The following HDAC9 variants were observed in gnomAD, a reference collection of about 807,000 sequenced individuals.
HDAC9 encodes histone deacetylase 9, also known as MEF-2 interacting transcription repressor (MITR) protein.
A neutral mutation model predicts 139.4 loss-of-function variants in HDAC9; 41 were observed. The observed-to-expected ratio is 0.29, with a 90% CI of 0.23 to 0.38. The LOEUF (loss-of-function observed/expected upper bound fraction) is 0.38, where lower values mean the gene tolerates loss of function less well. Ranked by LOEUF, HDAC9 falls within the 10% of genes least tolerant of loss-of-function variation. HDAC9 has a pLI of 1.00. For missense variants in HDAC9, 1,147 were observed against 1,297.0 expected (o/e 0.88, Z 1.78); for synonymous variants, 517 against 476.2 (o/e 1.09, Z -1.12).
chr7:18,323,972 A>G (rs1800240423), intron 1 of HDAC9, among the ~76,000 whole-genome samples: 1 of 151,164 alleles, frequency 6.6e-6, no homozygotes, highest in Admixed American at 6.6e-5. Flanking sequence ...ATATGACTGA[A>G]GGGGTGAGGG....
intron 2 of HDAC9, among the ~76,000 whole-genome samples, chr7:18,563,710 C>T (rs1821333550): frequency 6.7e-6 from 1 of 148,794 alleles, no homozygotes; most frequent in Admixed American, 6.9e-5. Context: ...CCATCAATTC[C>T]CTCAGAACCA....
chr7:18,204,999 A>T (rs527870922), intron 2 of HDAC9, among the ~76,000 whole-genome samples: 55 of 152,134 alleles, frequency 3.6e-4, no homozygotes, highest in African/African-American at 1.3e-3. Context: ...GAACTAATTT[A>T]TATGTGTGTG....
intron 2 of HDAC9, among the ~76,000 whole-genome samples, chr7:18,550,177 A>T (rs1455824187): frequency 2.0e-5 from 3 of 152,184 alleles, no homozygotes; most frequent in African/African-American, 7.2e-5. Flanking sequence ...TTAGAACCTA[A>T]AGCAGAGAAA....
intron 2 of HDAC9, among the ~76,000 whole-genome samples, chr7:18,518,663 C>A (rs1216766046): frequency 6.6e-6 from 1 of 152,138 alleles, no homozygotes; most frequent in Non-Finnish European, 1.5e-5. Flanking sequence ...AAGCTTGTCC[C>A]ACCTCCATTA....
At chr7:18,341,112 G>A (rs1361303919) in intron 1 of HDAC9, among the ~76,000 whole-genome samples, 1 of 151,176 alleles carries the variant, frequency 6.6e-6, no homozygotes, top group African/African-American at 2.4e-5. Flanking sequence ...TACTTAAAGT[G>A]TGTGTTTTCC....
At chr7:18,240,450 T>C (rs1482910818) in intron 2 of HDAC9, among the ~76,000 whole-genome samples, 1 of 152,220 alleles carries the variant, frequency 6.6e-6, no homozygotes, top group African/African-American at 2.4e-5. Context: ...TGTTTCTAGT[T>C]TATATCTTTA....
chr7:18,320,810 G>A (rs1011094990), intron 1 of HDAC9, among the ~76,000 whole-genome samples: 1 of 152,086 alleles, frequency 6.6e-6, no homozygotes, highest in Non-Finnish European at 1.5e-5. Flanking sequence ...ACTGGGCCGG[G>A]GGTAGACCCT....
chr7:18,970,966 A>ATGAG lies in HDAC9; in HGVS notation c.3023-4838_3023-4835dup, dbSNP rs1784207091. Among the ~76,000 whole-genome samples the ATGAG allele has an allele frequency of 2.6e-5, 4 of 152,310 alleles. No homozygotes were observed. The South Asian group carries it at 8.3e-4, about 32-fold the overall frequency. ...GGTGACTTGTGTAACACAGATTTTC[A>ATGAG]TGAGTCAACAACTGCCTATTTTTCC... On this transcript the variant is annotated intron_variant, in intron 24 of 25. Coordinates refer to ENST00000686413, the MANE Select transcript of HDAC9 (RefSeq NM_178425.4).
chr7:18,518,429 A>C (rs1200839192), intron 2 of HDAC9, among the ~76,000 whole-genome samples: 1 of 152,202 alleles, frequency 6.6e-6, no homozygotes. Context: ...TACTCAAAGA[A>C]GTTTGTGTCC....
chr7:18,273,056 G>GTTTTTTTTTT (rs746089054), intron 2 of HDAC9, among the ~76,000 whole-genome samples: 5 of 84,784 alleles, frequency 5.9e-5, no homozygotes, highest in Non-Finnish European at 6.5e-5. Flanking sequence ...CCCCTTCTTC[G>GTTTTTTTTTT]TTTTTTTTTT....
intron 2 of HDAC9, among the ~76,000 whole-genome samples, chr7:18,249,905 A>T (rs1036651662): frequency 6.6e-6 from 1 of 152,204 alleles, no homozygotes; most frequent in Non-Finnish European, 1.5e-5. Flanking sequence ...ATGCCTGCTA[A>T]TTTTAGGCAG....
chr7:18,551,023 A>G (rs970846043), intron 2 of HDAC9, among the ~76,000 whole-genome samples: 1 of 152,214 alleles, frequency 6.6e-6, no homozygotes, highest in African/African-American at 2.4e-5. Context: ...ATTATTAACA[A>G]CAACCACATA....
At chr7:18,561,547 T>A (rs1223213829) in intron 2 of HDAC9, among the ~76,000 whole-genome samples, 1 of 152,164 alleles carries the variant, frequency 6.6e-6, no homozygotes, top group Non-Finnish European at 1.5e-5. Flanking sequence ...CATAGAATAC[T>A]TTTTACCCTT....
chr7:18,124,156 G>T (rs1477548765), intron 1 of HDAC9, among the ~76,000 whole-genome samples: 1 of 152,096 alleles, frequency 6.6e-6, no homozygotes, highest in Non-Finnish European at 1.5e-5. Context: ...GTTCACCTTC[G>T]GGGGATAAGC....
intron 23 of HDAC9, among the ~76,000 whole-genome samples, chr7:18,946,032 G>A (rs1312499173): frequency 3.1e-4 from 18 of 58,362 alleles, no homozygotes; most frequent in Non-Finnish European, 4.0e-4. Flanking sequence ...ACAAGACTCC[G>A]TCTCAAAAAA....
intron 6 of HDAC9, among the ~76,000 whole-genome samples, chr7:18,625,703 G>A (rs1841497920): frequency 6.6e-6 from 1 of 152,094 alleles, no homozygotes; most frequent in Non-Finnish European, 1.5e-5. Flanking sequence ...CCAGCACTTT[G>A]GGAGGCCGAG....
chr7:18,162,131 T>C (rs1787670015), intron 1 of HDAC9: 1 of 578,872 alleles, frequency 1.7e-6, no homozygotes, highest in East Asian at 2.9e-5. Flanking sequence ...GGTCGCGCTG[T>C]GGCTGAGTCG....
Position 18,432,950 on chromosome 7 carries a change from T to TAAA in HDAC9, c.-41-63299_-41-63297dup, listed in dbSNP as rs371784284. On this transcript the variant is annotated intron_variant, in intron 1 of 3. Coordinates refer to the HDAC9 transcript ENST00000413509. ...TGGGCAACAGAATGAGACTCTGTCT[T>TAAA]AAAAAAAAAAAAAAAGAAAAGAAAT... Among the ~76,000 whole-genome samples, 508 of 130,894 alleles carry TAAA rather than the reference T, an allele frequency of 3.9e-3. 3 individuals are homozygous for TAAA. The highest frequency in any genetic ancestry group is 0.013 in the African/African-American group (477 of 35,528). 85.9% of individuals were successfully genotyped at this position (130,894 alleles called of 152,430 possible).
intron 14 of HDAC9, among the ~76,000 whole-genome samples, chr7:18,759,142 A>G (rs1789147931): frequency 6.6e-6 from 1 of 152,074 alleles, no homozygotes; most frequent in South Asian, 2.1e-4. Context: ...AGCTGGGCCA[A>G]ATGAGCTGTC....
Sources: gnomAD v4.1 joint callset for allele counts (sites outside exome capture counted in the v4.1 genomes callset) on GRCh38, gnomAD v4.1.1 for gene constraint, MANE v1.5 for transcripts, NCBI Gene and HGNC (gene_info 2026-07-23, HGNC 2026-07-21) for gene names.